MCC: variants seen among roughly 807,000 people sequenced by gnomAD.
MCC encodes the protein colorectal mutant cancer protein.
In MCC, 90 loss-of-function variants were observed where a neutral mutation model predicts 116.2. The ratio of observed to expected loss-of-function variants is 0.77; its 90% CI spans 0.65 to 0.92. MCC has a LOEUF of 0.92. MCC is among the 40% of genes least tolerant of loss of function. The pLI is 0.00. For synonymous variants in MCC, 578 were observed against 510.5 expected (o/e 1.13, Z -1.78); for missense variants, 1,516 against 1,312.2 (o/e 1.16, Z -2.40).
At chr5:113,317,621 AC>A (rs548008527) in intron 3 of MCC, among the ~76,000 whole-genome samples, 158 of 152,320 alleles carry the variant, frequency 1.0e-3, no homozygotes, top group African/African-American at 3.6e-3. Context: ...ATGATGTATG[AC>A]ACGGATATTC....
chr5:113,071,691 T>C lies in MCC; in HGVS notation c.1785-457A>G, dbSNP rs144495175. On this transcript the variant is annotated intron_variant, in intron 11 of 18. Transcript: ENST00000408903. ...GTGATTCTCCTAGCAGCCTTTTGAA[T>C]TAAGTGTTGTTACTCCCATTTCAGA... Among the ~76,000 whole-genome samples, 213 of 152,324 alleles carry C rather than the reference T, an allele frequency of 1.4e-3. 1 individual carries two copies. Among genetic ancestry groups the C allele is most frequent in the African/African-American group, 4.8e-3 (200 of 41,572 alleles).
chr5:113,122,557 T>C, intron 6 of MCC, 127 bp downstream of exon 6: 1 of 1,015,980 alleles, frequency 9.8e-7, no homozygotes. Context: ...GAAATACATG[T>C]GACTTCATCC....
chr5:113,151,479 C>G, intron 3 of MCC, 57 bp from the exon 4 acceptor site: 1 of 949,520 alleles, frequency 1.1e-6, no homozygotes, highest in Non-Finnish European at 1.6e-6. Context: ...ATTTCCTTCC[C>G]TTCATTCCCG....
intron 1 of MCC, among the ~76,000 whole-genome samples, chr5:113,424,352 AC>A (rs1035513149): frequency 3.9e-5 from 6 of 152,160 alleles, no homozygotes; most frequent in Non-Finnish European, 7.3e-5. Flanking sequence ...ACTTCCAAAA[AC>A]CTATCATGGA....
At chr5:113,420,220 C>T (rs1031543670) in intron 1 of MCC, among the ~76,000 whole-genome samples, 17 of 120,704 alleles carry the variant, frequency 1.4e-4, no homozygotes, top group African/African-American at 6.2e-4. Context: ...TAAGATTAGG[C>T]AAAGTAATTT....
At chr5:113,334,229 A>T (rs1767816619) in intron 3 of MCC, among the ~76,000 whole-genome samples, 1 of 149,324 alleles carries the variant, frequency 6.7e-6, no homozygotes, top group Non-Finnish European at 1.5e-5. Context: ...TTTTGGGGGG[A>T]TAGGGTCTAG....
chr5:113,093,614 G>A (rs1755799221), intron 8 of MCC, among the ~76,000 whole-genome samples: 1 of 152,094 alleles, frequency 6.6e-6, no homozygotes, highest in African/African-American at 2.4e-5. Flanking sequence ...GTGCACAGAA[G>A]CAGGTTTCCA....
chr5:113,454,718 T>C (rs560779575), intron 1 of MCC, among the ~76,000 whole-genome samples: 12 of 152,272 alleles, frequency 7.9e-5, no homozygotes, highest in African/African-American at 2.6e-4. Flanking sequence ...AACTATAAAA[T>C]TTATTAGTAG....
intron 6 of MCC, among the ~76,000 whole-genome samples, chr5:113,118,765 G>A (rs933900179): frequency 6.6e-6 from 1 of 151,816 alleles, no homozygotes; most frequent in Non-Finnish European, 1.5e-5. Context: ...GGAAAATGGC[G>A]AAGGAATAAG....
At chr5:113,472,190 T>C (rs1399567911) in intron 1 of MCC, among the ~76,000 whole-genome samples, 1 of 152,142 alleles carries the variant, frequency 6.6e-6, no homozygotes, top group East Asian at 1.9e-4. Flanking sequence ...TGTCTGGCAC[T>C]CCCCAGTGAG....
At chr5:113,238,654 GA>G (rs974254064) in intron 3 of MCC, among the ~76,000 whole-genome samples, 1 of 152,106 alleles carries the variant, frequency 6.6e-6, no homozygotes, top group African/African-American at 2.4e-5. Context: ...CCAGAGATTA[GA>G]AAAAAATGTC....
chr5:113,295,966 T>TA (rs1009988801), intron 3 of MCC, among the ~76,000 whole-genome samples: 1 of 152,208 alleles, frequency 6.6e-6, no homozygotes, highest in African/African-American at 2.4e-5. Context: ...ATGGTCTTTT[T>TA]AAAAAATCAT....
At chr5:113,475,439 T>A (rs1389039129) in intron 1 of MCC, among the ~76,000 whole-genome samples, 1 of 152,092 alleles carries the variant, frequency 6.6e-6, no homozygotes, top group Non-Finnish European at 1.5e-5. Flanking sequence ...GTCCAAAGAG[T>A]CCTTCTACCT....
At chr5:113,110,899 G>C (rs183910369) in intron 6 of MCC, among the ~76,000 whole-genome samples, 1 of 152,112 alleles carries the variant, frequency 6.6e-6, no homozygotes, top group Non-Finnish European at 1.5e-5. Flanking sequence ...CTGGCAATGC[G>C]GGGCCCAGCT....
chr5:113,441,510 C>CT (rs111618161), intron 1 of MCC, among the ~76,000 whole-genome samples: 17,498 of 151,992 alleles, frequency 0.12, 1,749 homozygotes, highest in African/African-American at 0.27. Flanking sequence ...TTGTACAGCA[C>CT]TTTTTTATTA....
At chr5:113,422,466 T>A (rs1296702009) in intron 1 of MCC, among the ~76,000 whole-genome samples, 1 of 152,258 alleles carries the variant, frequency 6.6e-6, no homozygotes, top group Non-Finnish European at 1.5e-5. Flanking sequence ...TATGATTTAG[T>A]TTTTAACAAT....
chr5:113,476,681 G>T (rs971987882), intron 1 of MCC, among the ~76,000 whole-genome samples: 2 of 152,176 alleles, frequency 1.3e-5, no homozygotes, highest in Non-Finnish European at 2.9e-5. Context: ...GCCACAGAAT[G>T]TACAATATCC....
At chr5:113,248,956 G>C (rs1411248121) in intron 3 of MCC, among the ~76,000 whole-genome samples, 1 of 151,440 alleles carries the variant, frequency 6.6e-6, no homozygotes, top group African/African-American at 2.4e-5. Context: ...TGATTTTCCT[G>C]CCTCAGCCTC....
rs138866807 is a variant in MCC, at chr5:113,375,296, C to T, written c.415+9672G>A. 1.1e-4 allele frequency among the ~76,000 whole-genome samples: 17 copies of T among 152,208 alleles called. No homozygotes were observed. In the East Asian group the frequency reaches 3.1e-3, roughly 28 times the overall value. On this transcript the variant is annotated intron_variant, in intron 2 of 18. Coordinates refer to ENST00000408903, the MANE Select transcript of MCC (RefSeq NM_001085377.2). ...TGACAATGATTCTCCTTTCTCATCT[C>T]CTATAGCACAACTTGTTTGCTTCAC...
Sources: gnomAD v4.1 joint callset for allele counts (sites outside exome capture counted in the v4.1 genomes callset) on GRCh38, gnomAD v4.1.1 for gene constraint, MANE v1.5 for transcripts, NCBI Gene and HGNC (gene_info 2026-07-23, HGNC 2026-07-21) for gene names.